Variants in CR2 observed in about 807,000 individuals in gnomAD.
CR2 encodes complement receptor type 2.
A neutral mutation model predicts 123.0 loss-of-function variants in CR2; 96 were observed. The observed-to-expected ratio is 0.78, with a 90% CI of 0.66 to 0.93. The LOEUF (loss-of-function observed/expected upper bound fraction) is 0.93. Among genes scored for constraint, CR2 ranks in the 40% least tolerant of loss-of-function variants. CR2 has a pLI of 0.00. For missense variants in CR2, 1,258 were observed against 1,361.0 expected, an observed-to-expected ratio of 0.92 and a Z score of 1.19; for synonymous variants, 484 against 469.5, an observed-to-expected ratio of 1.03 and a Z score of -0.40.
chr1:207,477,888 T>G lies in CR2; in HGVS notation c.2906T>G (p.Val969Gly). 6.2e-7 allele frequency: 1 copy of G among 1,613,896 alleles called. No homozygotes were observed. The highest frequency in any genetic ancestry group is 8.5e-7 in the Non-Finnish European group (1 of 1,179,868). ...WSQPAPHCKE[V>G]NCSSPADMDG... ...AATTAGATTTCTTTAATTTCAGAGG[T>G]AAACTGTAGCTCACCAGCAGATATG... Residue 969 changes from valine (V) to glycine (G), a missense_variant, in exon 16 of 20, where the codon GTA (valine) becomes GGA (glycine). By Grantham distance (109) the Val-to-Gly change is moderately radical. Transcript: ENST00000367057.
At position 207,468,682 on chromosome 1, in the gene CR2, G is replaced by A; in HGVS notation, c.601G>A (p.Gly201Arg). The change falls in exon 3 of 20, where the codon GGA (glycine) becomes AGA (arginine). Residue 201 changes from glycine (G) to arginine (R), a missense_variant. Transcript: ENST00000367057. ...AAAGATCATTAACTGTTTGTCTTCGGGAAAATGGAGTGCTGTCCCCCCCAC... is the reference window on the plus strand; with the variant it reads ...AAAGATCATTAACTGTTTGTCTTCGAGAAAATGGAGTGCTGTCCCCCCCAC... ...GEKIINCLSS[G>R]KWSAVPPTCE... is the part of the protein sequence containing the mutation. 2 of 1,614,008 alleles carry A rather than the reference G, an allele frequency of 1.2e-6. No individual in the cohort carries two copies. Among genetic ancestry groups the A allele is most frequent in the Non-Finnish European group, 8.5e-7 (1 of 1,179,952 alleles).
intron 19 of CR2, among the ~76,000 whole-genome samples, chr1:207,486,818 A>G (rs1457502189): frequency 6.6e-6 from 1 of 152,234 alleles, no homozygotes; most frequent in Non-Finnish European, 1.5e-5. Context: ...TAGAACTGCC[A>G]TTAATTACAT....
chr1:207,469,805 G>T lies in CR2; in HGVS notation c.928G>T (p.Glu310Ter). The change falls in exon 6 of 20, where the codon GAG (glutamate) becomes TAG (stop). Residue 310 changes from glutamate to a stop codon, truncating the protein, a stop_gained. Coordinates refer to ENST00000367057, the MANE Select transcript of CR2 (RefSeq NM_001006658.3). LOFTEE classifies it high-confidence loss of function. ...CACTTACACTTGTGACCCGGACCCAGAGGAAGGAGTGAACTTCATCCTTAT... is the reference window on the plus strand; with the variant it reads ...CACTTACACTTGTGACCCGGACCCATAGGAAGGAGTGAACTTCATCCTTAT... ...IVTYTCDPDPEEGVNFILIGE... is the reference protein window; with the variant it reads ...IVTYTCDPDP 4 of 1,613,976 alleles carry T rather than the reference G, an allele frequency of 2.5e-6. No homozygotes were observed. The highest frequency in any genetic ancestry group is 3.4e-6 in the Non-Finnish European group (4 of 1,179,946).
chr1:207,474,164 GA>G, intron 12 of CR2, 76 bp from the exon 13 acceptor site: 5 of 1,222,366 alleles, frequency 4.1e-6, no homozygotes, highest in Non-Finnish European at 6.1e-6. Flanking sequence ...TTCTTATTTA[GA>G]AGTCCCTTTT....
chr1:207,473,470 C>A, intron 10 of CR2, 75 bp from the exon 11 acceptor site: 1 of 1,437,692 alleles, frequency 7.0e-7, no homozygotes, highest in Non-Finnish European at 9.8e-7. Flanking sequence ...ACTGTCTGTC[C>A]AATGTTGTAC....
chr1:207,471,569 T>C (rs1658283082), intron 9 of CR2, 70 bp downstream of exon 9: 1 of 1,096,460 alleles, frequency 9.1e-7, no homozygotes, highest in East Asian at 2.4e-5. Flanking sequence ...GATTTTTGTT[T>C]TGGGACATGT....
rs1488116110 is a variant in CR2 at position 207,473,981 on chromosome 1, T to C, written c.2240+96T>C. 5 of 1,138,352 alleles carry C rather than the reference T, an allele frequency of 4.4e-6. No homozygotes were observed. The East Asian group carries it at 1.2e-4, about 27-fold the overall frequency. The allele number at this position is 1,138,352 out of a possible 1,614,324, so 70.5% of individuals were successfully genotyped here. On this transcript the variant is annotated intron_variant, in intron 12 of 19. Coordinates refer to ENST00000367057, the MANE Select transcript of CR2 (RefSeq NM_001006658.3). ...TGTCTTGGTGGCATCCTTTAGAGGC[T>C]CCTCATTGTCACAGGCATGGAGAAT...
chr1:207,485,495 G>A lies in CR2; in HGVS notation c.3220G>A (p.Ala1074Thr). Residue 1074 changes from alanine to threonine, a missense_variant, in exon 19 of 20, where the codon GCT becomes ACT. Transcript: ENST00000367057. ...TTATACAGATACAAGCCAGAAAGAA[G>A]CTTTTCATTTAGAAGCACGAGAAGT... ...NYYTDTSQKE[A>T]FHLEAREVYS... 1.9e-6 allele frequency: 3 copies of A among 1,613,054 alleles called. No individual in the cohort carries two copies. The South Asian group carries it at 3.3e-5, about 18-fold the overall frequency.
rs1054517610 is a variant in CR2 at position 207,468,572 on chromosome 1, A to T, written c.491A>T (p.His164Leu). Residue 164 changes from histidine to leucine, a missense_variant, in exon 3 of 20, where the codon CAT becomes CTT. Physicochemically the swap from His to Leu is moderately conservative, Grantham distance 99 (BLOSUM62 -3). Coordinates refer to ENST00000367057, the MANE Select transcript of CR2 (RefSeq NM_001006658.3). ...GCACTTCCTATGATCCACAATGGAC[A>T]TCACACAAGTGAGAATGTTGGCTCC... ...CPALPMIHNG[H>L]HTSENVGSIA... 6.2e-7 allele frequency: 1 copy of T among 1,613,904 alleles called. No homozygotes were observed. The highest frequency in any genetic ancestry group is 1.7e-5 in the Admixed American group (1 of 59,966).
chr1:207,479,179 A>T, intron 16 of CR2, 78 bp from the exon 17 acceptor site: 1 of 1,140,620 alleles, frequency 8.8e-7, no homozygotes, highest in Non-Finnish European at 1.3e-6. Flanking sequence ...TTTCTGGGAC[A>T]TTACCATGAA....
Position 207,469,178 on chromosome 1 carries a change from C to T in CR2, c.763C>T (p.Arg255Trp), listed in dbSNP as rs61754519. ...GYRLQGPPSS[R>W]CVIAGQGVAW... ...TCGACTGCAAGGCCCACCTTCTAGT[C>T]GGTGTGTAATTGCTGGACAGGGAGT... Residue 255 changes from arginine to tryptophan, a missense_variant, in exon 5 of 20, where the codon CGG becomes TGG. Physicochemically the swap from Arg to Trp is moderately radical, Grantham distance 101. Coordinates refer to ENST00000367057, the MANE Select transcript of CR2 (RefSeq NM_001006658.3). 6.8e-6 allele frequency: 11 copies of T among 1,613,768 alleles called. No individual in the cohort carries two copies. The highest frequency in any genetic ancestry group is 3.3e-5 in the Admixed American group (2 of 59,978).
intron 19 of CR2, among the ~76,000 whole-genome samples, chr1:207,487,650 A>G (rs1441577302): frequency 6.6e-6 from 1 of 152,204 alleles, no homozygotes; most frequent in Non-Finnish European, 1.5e-5. Flanking sequence ...ATTTTTTAAG[A>G]TTGGAGAAAT....
intron 19 of CR2, among the ~76,000 whole-genome samples, chr1:207,487,311 G>A (rs552983616): frequency 6.6e-6 from 1 of 152,290 alleles, no homozygotes; most frequent in South Asian, 2.1e-4. Context: ...GTTTGAGACA[G>A]GGTCTCACTC....
chr1:207,476,468 A>G, intron 15 of CR2, 49 bp downstream of exon 15: 1 of 1,533,084 alleles, frequency 6.5e-7, no homozygotes, highest in African/African-American at 1.4e-5. Flanking sequence ...TTTGTGCCAA[A>G]TAGATATATT....
At chr1:207,458,678 A>G (rs1657897850) in intron 1 of CR2, among the ~76,000 whole-genome samples, 1 of 152,134 alleles carries the variant, frequency 6.6e-6, no homozygotes, top group Admixed American at 6.5e-5. Context: ...TTGCCTTTTC[A>G]CAGGCCTTCC....
chr1:207,474,894 A>T lies in CR2; in HGVS notation c.2394A>T (p.Leu798=). ...CAGGCATGATGGCAGAAAACTTTCT[A>T]TATGGAAATGAAGTCTCTTATGAAT... ...KHTGMMAENF[L]YGNEVSYECD... The change falls in exon 14 of 20, where the codon CTA becomes CTT. Residue 798 remains leucine (L), a synonymous_variant. Transcript: ENST00000367057. The T allele has an allele frequency of 1.2e-6, 2 of 1,614,036 alleles. No individual in the cohort carries two copies. Among genetic ancestry groups the T allele is most frequent in the Non-Finnish European group, 1.7e-6 (2 of 1,179,946 alleles).
At position 207,469,980 on chromosome 1, in the gene CR2, G is replaced by T. The variant is rs746224290; in HGVS notation, c.1103G>T (p.Arg368Leu). The change falls in exon 6 of 20, where the codon CGA becomes CTA. Residue 368 changes from arginine to leucine, a missense_variant. By Grantham distance (102) the Arg-to-Leu change is moderately radical. Transcript: ENST00000367057. ...RGRMVSGQKD[R>L]YTYNDTVIFA... ...CGAATGGTATCTGGGCAGAAAGATC[G>T]ATATACCTATAACGACACTGTGATA... 1.4e-5 allele frequency: 23 copies of T among 1,613,974 alleles called. No homozygotes were observed. The highest frequency in any genetic ancestry group is 1.8e-5 in the Non-Finnish European group (21 of 1,179,930).
intron 1 of CR2, among the ~76,000 whole-genome samples, chr1:207,455,920 C>T (rs1272823163): frequency 2.0e-5 from 3 of 152,172 alleles, no homozygotes; most frequent in South Asian, 4.1e-4. Flanking sequence ...GTCCATTTCT[C>T]ATTTTTGTAC....
rs923396073 is a variant in CR2 at position 207,489,385 on chromosome 1, A to G, written c.*262A>G. The G allele has an allele frequency of 2.6e-5, 4 of 152,262 alleles. No individual in the cohort carries two copies. Among genetic ancestry groups the G allele is most frequent in the Admixed American group, 1.3e-4 (2 of 15,286 alleles). 9.4% of individuals were successfully genotyped at this position (152,262 alleles called of 1,614,324 possible). On this transcript the variant is annotated 3_prime_UTR_variant, in exon 20 of 20. Transcript: ENST00000367057. ...AGATGCCTGAAGCCAGGCCATGGCT[A>G]TAAACAATTACATGGCTCTAAAAAG... is the stretch of plus-strand genomic sequence containing the variant.
Sources: allele counts gnomAD v4.1 joint callset (sites outside exome capture counted in the v4.1 genomes callset), GRCh38; gene constraint gnomAD v4.1.1; transcripts MANE v1.5; gene names NCBI Gene and HGNC (gene_info 2026-07-23, HGNC 2026-07-21).